Variants in BPTF observed in about 807,000 individuals in gnomAD.
BPTF encodes the protein nucleosome-remodeling factor subunit BPTF.
In BPTF, 18 loss-of-function variants were observed where a neutral mutation model predicts 292.5. That is an observed-to-expected ratio of 0.06 (90% confidence interval 0.04 to 0.09). BPTF has a LOEUF of 0.09. Among genes scored for constraint, BPTF ranks in the 10% least tolerant of loss-of-function variants. The pLI, the probability that BPTF is intolerant of heterozygous loss-of-function variation, is 1.00. For synonymous variants in BPTF, 1,225 were observed against 1,251.9 expected (o/e 0.98, Z 0.45); for missense variants, 2,726 against 3,498.7 (o/e 0.78, Z 5.57).
chr17:67,932,286 T>C lies in BPTF; in HGVS notation c.6259+267T>C, dbSNP rs76364327. Among the ~76,000 whole-genome samples the C allele has an allele frequency of 5.9e-5, 9 of 152,324 alleles. 1 individual carries two copies. In the East Asian group the frequency reaches 1.7e-3, roughly 29 times the overall value. ...TAATTGAAGTAAAGAAAACAGTCCG[T>C]ATAGCAAAAGACAGAAAATCAAGGA... On this transcript the variant is annotated intron_variant, in intron 18 of 27. Coordinates refer to ENST00000306378, the MANE Select transcript of BPTF (RefSeq NM_182641.4).
chr17:67,918,932 G>A (rs1012097453), intron 12 of BPTF, 94 bp downstream of exon 12: 1 of 1,350,880 alleles, frequency 7.4e-7, no homozygotes, highest in East Asian at 2.7e-5. Flanking sequence ...CAGCACTTTG[G>A]GAGGCTGAGG....
chr17:67,874,171 G>A (rs1335189826), intron 3 of BPTF, among the ~76,000 whole-genome samples: 4 of 152,178 alleles, frequency 2.6e-5, no homozygotes, highest in African/African-American at 2.4e-5. Flanking sequence ...CTGATATACC[G>A]TGTGTTCTGT....
chr17:67,944,363 A>G lies in BPTF; in HGVS notation c.6691A>G (p.Thr2231Ala), dbSNP rs2065632642. The G allele has an allele frequency of 1.2e-6, 2 of 1,612,956 alleles. No homozygotes were observed. Among genetic ancestry groups the G allele is most frequent in the East Asian group, 4.5e-5 (2 of 44,888 alleles). ...ASTTTTTVST[T>A]AAGTGEQRQS... ...CACCACCACCACCACTGTTTCCACGACAGCAGCAGGTAGAGCTGTGGGTTT... is the reference window on the plus strand; with the variant it reads ...CACCACCACCACCACTGTTTCCACGGCAGCAGCAGGTAGAGCTGTGGGTTT... The change falls in exon 20 of 28, where the codon ACA becomes GCA. Residue 2231 changes from threonine (T) to alanine (A), a missense_variant. Around this residue, in one of 22 missense-constraint regions of BPTF, gnomAD observed 570 missense variants for 633.5 expected, o/e 0.90. Transcript: ENST00000306378.
Position 67,825,943 on chromosome 17 carries a change from C to T in BPTF, c.219C>T (p.Ser73=). Residue 73 remains serine, a synonymous_variant, in exon 1 of 28, where the codon AGC becomes AGT. Transcript: ENST00000306378. ...RLSSPRGGSS[S]RRKPPPPPPA... Reference sequence around the variant, plus strand: ...GCTCGCCCAGGGGGGGCAGCAGTAGCCGGAGGAAGCCGCCGCCGCCGCCGC... The same window carrying T: ...GCTCGCCCAGGGGGGGCAGCAGTAGTCGGAGGAAGCCGCCGCCGCCGCCGC... The T allele has an allele frequency of 9.9e-7, 1 of 1,013,712 alleles. No individual in the cohort carries two copies. Among genetic ancestry groups the T allele is most frequent in the Non-Finnish European group, 1.2e-6 (1 of 850,414 alleles). The allele number at this position is 1,013,712 out of a possible 1,614,324, so 62.8% of individuals were successfully genotyped here. A position where few individuals can be genotyped will look rare whatever the true frequency, so the allele number is the denominator to read the frequency against.
At chr17:67,958,652 C>T (rs1201348026) in intron 23 of BPTF, among the ~76,000 whole-genome samples, 2 of 151,838 alleles carry the variant, frequency 1.3e-5, no homozygotes, top group African/African-American at 4.8e-5. Context: ...TCACTTGAAC[C>T]CAGGAGGTGG....
intron 4 of BPTF, among the ~76,000 whole-genome samples, chr17:67,890,605 G>A (rs566321184): frequency 1.3e-5 from 2 of 152,274 alleles, no homozygotes; most frequent in South Asian, 4.1e-4. Context: ...TCGCTCCAAA[G>A]GGGCAACATA....
At chr17:67,940,768 A>G (rs1022953992) in intron 19 of BPTF, 112 bp downstream of exon 19, 16 of 1,218,022 alleles carry the variant, frequency 1.3e-5, no homozygotes, top group Non-Finnish European at 1.8e-5. Flanking sequence ...GATTTGAAGA[A>G]ATGGTTGCTT....
intron 1 of BPTF, among the ~76,000 whole-genome samples, chr17:67,852,191 A>G (rs1016007589): frequency 6.6e-6 from 1 of 152,176 alleles, no homozygotes; most frequent in Non-Finnish European, 1.5e-5. Context: ...CGTTGTATTT[A>G]TACAAGACTA....
chr17:67,945,853 C>A lies in BPTF; in HGVS notation c.7145C>A (p.Ser2382Tyr). The A allele has an allele frequency of 6.2e-7, 1 of 1,614,214 alleles. No individual in the cohort carries two copies. Among genetic ancestry groups the A allele is most frequent in the Non-Finnish European group, 8.5e-7 (1 of 1,180,042 alleles). The stretch of plus-strand genomic sequence containing the variant: ...CCGATTCCAATTCAACCACATACAT[C>A]TCTTCAGATACCTTCCCAAGGCCAG... ...SQPIPIQPHTSLQIPSQGQPQ... is the reference protein window; with the variant it reads ...SQPIPIQPHTYLQIPSQGQPQ... Residue 2382 changes from serine to tyrosine, a missense_variant, in exon 21 of 28, where the codon TCT (serine) becomes TAT (tyrosine). Ser to Tyr is a moderately radical substitution (Grantham distance 144, BLOSUM62 -2). Around this residue, in one of 22 missense-constraint regions of BPTF, gnomAD observed 570 missense variants for 633.5 expected, o/e 0.90. Transcript: ENST00000306378.
At position 67,934,887 on chromosome 17, in the gene BPTF, A is replaced by AAG. The variant is rs1384083484; in HGVS notation, c.6259+2869_6259+2870insGA. Among the ~76,000 whole-genome samples, 318 of 151,674 alleles carry AAG rather than the reference A, an allele frequency of 2.1e-3. 1 individual carries two copies. The highest frequency in any genetic ancestry group is 3.7e-3 in the Non-Finnish European group (252 of 67,872). On this transcript the variant is annotated intron_variant, in intron 18 of 27. Transcript: ENST00000306378. Reference sequence around the variant, plus strand: ...CTCTGTCTCAAAAAAAAAAAAAAAAAAAGCATGTAAGTACATTCTAAGTAA... The same window carrying AAG: ...CTCTGTCTCAAAAAAAAAAAAAAAAAAGAAGCATGTAAGTACATTCTAAGTAA...
At chr17:67,909,942 A>G (rs574475282) in intron 10 of BPTF, among the ~76,000 whole-genome samples, 181 bp downstream of exon 10, 2 of 152,372 alleles carry the variant, frequency 1.3e-5, no homozygotes, top group East Asian at 3.9e-4. Flanking sequence ...GTATATTCAC[A>G]AAGTTCAACC....
At chr17:67,887,782 A>G (rs552233247) in intron 4 of BPTF, among the ~76,000 whole-genome samples, 2 of 152,270 alleles carry the variant, frequency 1.3e-5, no homozygotes, top group South Asian at 4.1e-4. Context: ...TTAGGTCTAC[A>G]TATATTTATG....
chr17:67,875,089 G>A (rs2145752197), intron 4 of BPTF, 69 bp downstream of exon 4: 4 of 1,388,054 alleles, frequency 2.9e-6, no homozygotes, highest in Non-Finnish European at 4.0e-6. Flanking sequence ...AGTTTTACTT[G>A]CAAAATGAAA....
chr17:67,843,745 A>C (rs2057767989), intron 1 of BPTF, among the ~76,000 whole-genome samples: 1 of 119,896 alleles, frequency 8.3e-6, no homozygotes, highest in East Asian at 2.2e-4. Flanking sequence ...AATTGTCTGG[A>C]GCAGTTGTCT....
rs768736219 is a variant in BPTF at position 67,932,010 on chromosome 17, G to A, written c.6250G>A (p.Val2084Ile). ...GKAIIRTPVMVQPGAPQQVMT... is the reference protein window; with the variant it reads ...GKAIIRTPVMIQPGAPQQVMT... ...GGCAATTATTCGAACACCTGTGATG[G>A]TACAGCCAGGTATTTATCCATCCAG... The change falls in exon 18 of 28, where the codon GTA becomes ATA. Residue 2084 changes from valine to isoleucine, a missense_variant. Val to Ile is a conservative substitution (Grantham distance 29, BLOSUM62 3). Transcript: ENST00000306378. 1.9e-5 allele frequency: 31 copies of A among 1,610,820 alleles called. 1 individual carries two copies. The highest frequency in any genetic ancestry group is 2.6e-5 in the Non-Finnish European group (31 of 1,177,260).
At chr17:67,834,424 A>G (rs1390088896) in intron 1 of BPTF, among the ~76,000 whole-genome samples, 3 of 152,152 alleles carry the variant, frequency 2.0e-5, no homozygotes, top group Admixed American at 6.5e-5. Flanking sequence ...ATAAATGTCA[A>G]TTAGGTCAAG....
intron 20 of BPTF, chr17:67,944,645 T>C (rs1309832818): frequency 2.1e-6 from 1 of 471,754 alleles, no homozygotes; most frequent in Admixed American, 3.5e-5. Flanking sequence ...ATGCCCACAC[T>C]TACTCCTTGC....
chr17:67,830,461 C>G (rs1436057732), intron 1 of BPTF, among the ~76,000 whole-genome samples: 2 of 152,186 alleles, frequency 1.3e-5, no homozygotes, highest in African/African-American at 4.8e-5. Context: ...TTATTCCTAT[C>G]AGTGTCAATA....
Position 67,894,244 on chromosome 17 carries a change from A to G in BPTF, c.2543+79A>G, listed in dbSNP as rs1442676108. On this transcript the variant is annotated intron_variant, in intron 7 of 27. Transcript: ENST00000306378. ...ACTAGCCTATTAATAATGAAAGTTA[A>G]TATATTTAAGAGGCCATATTGAAGA... 6.1e-5 allele frequency: 89 copies of G among 1,458,202 alleles called. No individual in the cohort carries two copies. In the South Asian group the frequency reaches 8.6e-4, roughly 14 times the overall value. The allele number at this position is 1,458,202 out of a possible 1,614,324, so 90.3% of individuals were successfully genotyped here. A position where few individuals can be genotyped will look rare whatever the true frequency, so the allele number is the denominator to read the frequency against.
Sources: gnomAD v4.1 joint callset for allele counts (sites outside exome capture counted in the v4.1 genomes callset) on GRCh38, gnomAD v4.1.1 for gene constraint, gnomAD v4.1.1 regional missense constraint, MANE v1.5 for transcripts, NCBI Gene and HGNC (gene_info 2026-07-23, HGNC 2026-07-21) for gene names.